Variants in NSD1 observed in about 807,000 individuals in gnomAD.
NSD1 encodes histone-lysine N-methyltransferase, H3 lysine-36 specific.
In NSD1, 26 loss-of-function variants were observed where a neutral mutation model predicts 242.7. That is an observed-to-expected ratio of 0.11 (90% CI 0.08 to 0.15). The LOEUF (loss-of-function observed/expected upper bound fraction) is 0.15, where lower values mean the gene tolerates loss of function less well. Ranked by LOEUF, NSD1 falls within the 10% of genes least tolerant of loss-of-function variation. NSD1 has a pLI of 1.00. For missense variants in NSD1, 2,495 were observed against 3,272.8 expected (o/e 0.76, Z 5.80); for synonymous variants, 1,106 against 1,178.1 (o/e 0.94, Z 1.25).
At chr5:177,192,062 T>C (rs1761732776) in intron 3 of NSD1, 43 bp downstream of exon 3, 1 of 1,561,190 alleles carries the variant, frequency 6.4e-7, no homozygotes, top group African/African-American at 1.4e-5. Context: ...CAGTTGCCTT[T>C]AGAATAACTC....
At chr5:177,288,482 C>T (rs1369550774) in intron 20 of NSD1, 1 of 315,468 alleles carries the variant, frequency 3.2e-6, no homozygotes, top group Non-Finnish European at 6.1e-6. Flanking sequence ...CAGGGCCTGA[C>T]ACATTGATAA....
intron 2 of NSD1, among the ~76,000 whole-genome samples, chr5:177,168,735 G>A (rs1051809074): frequency 1.3e-5 from 2 of 152,062 alleles, no homozygotes; most frequent in Non-Finnish European, 2.9e-5. Flanking sequence ...TGCTGGGATT[G>A]CTGGCATGAG....
intron 5 of NSD1, among the ~76,000 whole-genome samples, chr5:177,218,866 G>GC (rs869308193): frequency 9.9e-5 from 15 of 151,436 alleles, no homozygotes; most frequent in African/African-American, 1.2e-4. Flanking sequence ...ACCGCGCCCG[G>GC]CCCCCCCTTT....
At chr5:177,164,630 G>T (rs376773685) in intron 2 of NSD1, among the ~76,000 whole-genome samples, 6 of 152,196 alleles carry the variant, frequency 3.9e-5, no homozygotes, top group African/African-American at 1.4e-4. Flanking sequence ...TCTTGGGAAG[G>T]TAGCCACTTT....
chr5:177,234,703 G>C (rs939927047), intron 5 of NSD1, among the ~76,000 whole-genome samples: 10 of 152,086 alleles, frequency 6.6e-5, no homozygotes, highest in African/African-American at 2.4e-4. Context: ...GTGACAGAGT[G>C]AGCCCCCGTC....
At chr5:177,276,071 G>C (rs776902301) in intron 17 of NSD1, among the ~76,000 whole-genome samples, 2 of 152,078 alleles carry the variant, frequency 1.3e-5, no homozygotes, top group Non-Finnish European at 2.9e-5. Context: ...TGGGATTACA[G>C]ACATGAGCCA....
intron 2 of NSD1, among the ~76,000 whole-genome samples, chr5:177,140,851 A>G (rs1339218844): frequency 6.6e-6 from 1 of 152,108 alleles, no homozygotes; most frequent in Non-Finnish European, 1.5e-5. Context: ...TAAGGCTTAT[A>G]GTTTTGCTGC....
intron 3 of NSD1, among the ~76,000 whole-genome samples, chr5:177,192,563 A>C (rs1351743347): frequency 6.6e-6 from 1 of 151,956 alleles, no homozygotes; most frequent in Non-Finnish European, 1.5e-5. Context: ...CGCCCAGCTA[A>C]TTTTGTATTT....
At position 177,294,347 on chromosome 5, in the gene NSD1, C is replaced by A; in HGVS notation, c.6979C>A (p.Pro2327Thr). Residue 2327 changes from proline to threonine, a missense_variant, in exon 23 of 23, where the codon CCC (proline) becomes ACC (threonine). Around this residue, in one of 19 missense-constraint regions of NSD1, gnomAD observed 475 missense variants for 563.7 expected, o/e 0.84. Transcript: ENST00000439151. ...GCCACCAGCAGTGGCAGGACCAAGA[C>A]CCCAGCTAAGCGACAAACCCTCTCC... is the stretch of plus-strand genomic sequence containing the variant. ...DRPPAVAGPRPQLSDKPSPVT... is the reference protein window; with the variant it reads ...DRPPAVAGPRTQLSDKPSPVT... 8 of 1,614,228 alleles carry A rather than the reference C, an allele frequency of 5.0e-6. No individual in the cohort carries two copies. Among genetic ancestry groups the A allele is most frequent in the Non-Finnish European group, 5.9e-6 (7 of 1,180,038 alleles).
intron 2 of NSD1, among the ~76,000 whole-genome samples, chr5:177,188,994 G>T (rs1480269175): frequency 6.6e-6 from 1 of 152,108 alleles, no homozygotes; most frequent in Non-Finnish European, 1.5e-5. Flanking sequence ...AGTGAGTGAA[G>T]ATTGCACCAT....
At chr5:177,217,038 C>CAA (rs369105083) in intron 5 of NSD1, among the ~76,000 whole-genome samples, 5 of 144,600 alleles carry the variant, frequency 3.5e-5, no homozygotes, top group African/African-American at 1.0e-4. Flanking sequence ...TTTATTTCTG[C>CAA]AAAAAAAAAT....
chr5:177,170,796 T>A (rs1244996194), intron 2 of NSD1, among the ~76,000 whole-genome samples: 1 of 152,164 alleles, frequency 6.6e-6, no homozygotes, highest in African/African-American at 2.4e-5. Context: ...CAACATAAAC[T>A]ATCCATTAAA....
At chr5:177,251,953 G>A (rs1756002668) in intron 12 of NSD1, 100 bp downstream of exon 12, 3 of 1,441,144 alleles carry the variant, frequency 2.1e-6, no homozygotes, top group Non-Finnish European at 1.9e-6. Context: ...GCAACACTGG[G>A]CTAGTTGTTA....
At chr5:177,197,021 C>T in intron 3 of NSD1, among the ~76,000 whole-genome samples, 1 of 152,108 alleles carries the variant, frequency 6.6e-6, no homozygotes, top group East Asian at 1.9e-4. Flanking sequence ...CAATCCAGCA[C>T]TTTGGGAATC....
At chr5:177,140,682 T>C (rs10059158) in intron 2 of NSD1, among the ~76,000 whole-genome samples, 12,766 of 149,316 alleles carry the variant, frequency 0.085, 1,761 homozygotes, top group African/African-American at 0.29. Context: ...TTCTGTCTCT[T>C]AAAAAAAAAA....
chr5:177,192,681 C>G (rs558401608), intron 3 of NSD1, among the ~76,000 whole-genome samples: 1 of 152,298 alleles, frequency 6.6e-6, no homozygotes, highest in East Asian at 1.9e-4. Flanking sequence ...CAGGCATGAG[C>G]CCTGCACCAG....
intron 12 of NSD1, among the ~76,000 whole-genome samples, chr5:177,254,837 T>A (rs1379312739): frequency 2.0e-5 from 3 of 152,202 alleles, no homozygotes; most frequent in Admixed American, 2.0e-4. Flanking sequence ...AAGATAGAAT[T>A]TTTTTATTTT....
chr5:177,265,528 A>G, intron 14 of NSD1: 1 of 772,918 alleles, frequency 1.3e-6, no homozygotes, highest in Non-Finnish European at 2.2e-6. Flanking sequence ...CCGTCTAGGA[A>G]TGCTCAGCCC....
At chr5:177,251,663 T>C in intron 11 of NSD1, 67 bp from the exon 12 acceptor site, 3 of 1,557,560 alleles carry the variant, frequency 1.9e-6, no homozygotes, top group Non-Finnish European at 2.7e-6. Context: ...TTTAACCCAC[T>C]GACACTGGTT....
Sources: allele counts gnomAD v4.1 joint callset (sites outside exome capture counted in the v4.1 genomes callset), GRCh38; gene constraint gnomAD v4.1.1; regional missense constraint gnomAD v4.1.1; transcripts MANE v1.5; gene names NCBI Gene and HGNC (gene_info 2026-07-23, HGNC 2026-07-21).